Variants in SLCO3A1 observed in about 807,000 individuals in gnomAD.
SLCO3A1 encodes the protein solute carrier organic anion transporter family member 3A1, also known as PGE1 transporter.
Under a neutral mutation model 63.1 loss-of-function variants are expected in SLCO3A1, and 27 were observed. The observed-to-expected ratio is 0.43, with a 90% CI of 0.32 to 0.59. The LOEUF is 0.59. Among genes scored for constraint, SLCO3A1 ranks in the 20% least tolerant of loss-of-function variants. SLCO3A1 has a pLI of 0.09. For synonymous variants in SLCO3A1, 473 were observed against 409.9 expected (o/e 1.15, Z -1.86); for missense variants, 773 against 945.8 (o/e 0.82, Z 2.40).
intron 1 of SLCO3A1, among the ~76,000 whole-genome samples, chr15:91,857,069 T>TGAGA (rs71156615): frequency 9.3e-6 from 1 of 107,486 alleles, no homozygotes; most frequent in African/African-American, 2.9e-5. Flanking sequence ...TGTGTGTGTG[T>TGAGA]GAGAGAGAGA....
At chr15:92,155,290 G>T (rs756603250) in intron 9 of SLCO3A1, 1 of 152,232 alleles carries the variant, frequency 6.6e-6, no homozygotes, top group Non-Finnish European at 1.5e-5. Context: ...TTGCCAGGGC[G>T]TTACACCAAA....
intron 5 of SLCO3A1, among the ~76,000 whole-genome samples, chr15:92,125,508 G>C (rs908922226): frequency 2.0e-5 from 3 of 152,170 alleles, no homozygotes; most frequent in Non-Finnish European, 4.4e-5. Flanking sequence ...CACTTCCTGA[G>C]GGGTGGCGGA....
At chr15:92,144,262 AG>A (rs1596142196) in intron 7 of SLCO3A1, among the ~76,000 whole-genome samples, 1 of 152,108 alleles carries the variant, frequency 6.6e-6, no homozygotes, top group East Asian at 1.9e-4. Context: ...ATGTATACAC[AG>A]GAGATAGCCA....
intron 2 of SLCO3A1, among the ~76,000 whole-genome samples, chr15:91,959,117 C>T (rs1567038821): frequency 6.6e-6 from 1 of 152,134 alleles, no homozygotes; most frequent in Non-Finnish European, 1.5e-5. Context: ...ATGTATTTTG[C>T]AGCAACTTGG....
chr15:92,102,451 T>A (rs2047617537), intron 3 of SLCO3A1, among the ~76,000 whole-genome samples: 1 of 152,210 alleles, frequency 6.6e-6, no homozygotes, highest in Non-Finnish European at 1.5e-5. Context: ...TTCTTGCTCA[T>A]TGCCTGTCAT....
rs879260938 is a variant in SLCO3A1 at position 91,854,345 on chromosome 15, G to A, written c.180+257G>A. 2.5e-5 allele frequency: 28 copies of A among 1,112,580 alleles called. No individual in the cohort carries two copies. The highest frequency in any genetic ancestry group is 1.2e-4 in the African/African-American group (7 of 60,626). The allele number at this position is 1,112,580 out of a possible 1,614,324, so 68.9% of individuals were successfully genotyped here. A position where few individuals can be genotyped will look rare whatever the true frequency, so the allele number is the denominator to read the frequency against. On this transcript the variant is annotated intron_variant, in intron 1 of 9. Transcript: ENST00000318445. The surrounding 1 kb of genome is among the most constrained non-coding windows in gnomAD (Gnocchi z 6.4). ...CCGGCTGGGGCAGGGGGTGCCGGGG[G>A]AGGAGAGGCGGCGGGCAGGTGGGCG...
chr15:92,025,721 T>C (rs892701963), intron 2 of SLCO3A1, among the ~76,000 whole-genome samples: 5 of 152,206 alleles, frequency 3.3e-5, no homozygotes, highest in African/African-American at 1.2e-4. Context: ...TAAACTGGGA[T>C]GATCTGGGAC....
In SLCO3A1 at chr15:92,138,238, T is replaced by A. The variant is rs1334725178; in HGVS notation, c.1513-8746T>A. On this transcript the variant is annotated intron_variant, in intron 7 of 9. Coordinates refer to ENST00000318445, the MANE Select transcript of SLCO3A1 (RefSeq NM_013272.4). ...ACCATTTATTAAATAGGGAATCCTT[T>A]CCCCATTGCTTGTTTTTCTCAGGTT... Among the ~76,000 whole-genome samples the A allele has an allele frequency of 2.0e-5, 2 of 100,072 alleles. 1 individual carries two copies. The highest frequency in any genetic ancestry group is 3.7e-5 in the Non-Finnish European group (2 of 53,424). 65.7% of individuals were successfully genotyped at this position (100,072 alleles called of 152,430 possible).
intron 2 of SLCO3A1, among the ~76,000 whole-genome samples, chr15:92,013,968 T>C (rs2046397301): frequency 6.6e-6 from 1 of 152,132 alleles, no homozygotes; most frequent in Admixed American, 6.5e-5. Context: ...ACAGTAGGTT[T>C]TCACCAAAAA....
At chr15:92,052,689 G>A (rs1441777294) in intron 2 of SLCO3A1, among the ~76,000 whole-genome samples, 1 of 152,154 alleles carries the variant, frequency 6.6e-6, no homozygotes, top group African/African-American at 2.4e-5. Flanking sequence ...GAGCTGTGCT[G>A]TCCCAGATAG....
intron 3 of SLCO3A1, among the ~76,000 whole-genome samples, chr15:92,095,209 C>G (rs2047523895): frequency 6.6e-6 from 1 of 152,316 alleles, no homozygotes; most frequent in Middle Eastern, 3.4e-3. Context: ...GAATAACCCC[C>G]AATAGCTGAT....
chr15:92,112,744 C>G (rs1243356459), intron 4 of SLCO3A1, among the ~76,000 whole-genome samples: 1 of 152,154 alleles, frequency 6.6e-6, no homozygotes, highest in Non-Finnish European at 1.5e-5. Flanking sequence ...TGTGGAGATT[C>G]ATAAGTGATA....
intron 2 of SLCO3A1, among the ~76,000 whole-genome samples, chr15:91,945,874 G>C (rs1250547820): frequency 2.0e-5 from 3 of 152,214 alleles, no homozygotes; most frequent in Non-Finnish European, 2.9e-5. Flanking sequence ...AGAATTGAGA[G>C]GAGTTCCTGA....
rs937702721 is a variant in SLCO3A1, at chr15:91,948,128, G to A, written c.646+31670G>A. Among the ~76,000 whole-genome samples the A allele has an allele frequency of 6.6e-6, 1 of 152,212 alleles. No homozygotes were observed. Among genetic ancestry groups the A allele is most frequent in the Non-Finnish European group, 1.5e-5 (1 of 68,038 alleles). ...CTCAGCTTTCCACACCCTAATAAAA[G>A]TCTGAGCCAGAAAGTGGGTGGAAGC... On this transcript the variant is annotated intron_variant, in intron 2 of 9. Coordinates refer to ENST00000318445, the MANE Select transcript of SLCO3A1 (RefSeq NM_013272.4). This position sits in a 1 kb window ranked among gnomAD's most constrained non-coding sequence, Gnocchi z 4.8.
chr15:91,903,870 G>C (rs1417335164), intron 1 of SLCO3A1, among the ~76,000 whole-genome samples: 3 of 152,234 alleles, frequency 2.0e-5, no homozygotes, highest in African/African-American at 4.8e-5. Context: ...GCAGTGACAA[G>C]AAAGGTGATT....
At chr15:91,923,936 A>G (rs2151384887) in intron 2 of SLCO3A1, among the ~76,000 whole-genome samples, 1 of 152,362 alleles carries the variant, frequency 6.6e-6, no homozygotes, top group African/African-American at 2.4e-5. Context: ...TAGGTGATGA[A>G]TGTCTCTGTG....
intron 5 of SLCO3A1, among the ~76,000 whole-genome samples, chr15:92,122,728 C>T (rs2047877827): frequency 6.6e-6 from 1 of 152,180 alleles, no homozygotes; most frequent in Non-Finnish European, 1.5e-5. Flanking sequence ...CTGTTTTATG[C>T]ATAATGGACC....
intron 2 of SLCO3A1, among the ~76,000 whole-genome samples, chr15:91,934,732 C>T (rs1040747813): frequency 2.6e-5 from 4 of 152,210 alleles, no homozygotes; most frequent in Non-Finnish European, 5.9e-5. Flanking sequence ...TGATGAATTT[C>T]ATTACCACAT....
intron 1 of SLCO3A1, among the ~76,000 whole-genome samples, chr15:91,893,794 G>T (rs924213583): frequency 6.6e-6 from 1 of 152,050 alleles, no homozygotes; most frequent in African/African-American, 2.4e-5. Context: ...CCATCTATTC[G>T]ACAAATGTTT....
Sources: allele counts gnomAD v4.1 joint callset (sites outside exome capture counted in the v4.1 genomes callset), GRCh38; gene constraint gnomAD v4.1.1; non-coding constraint Gnocchi (gnomAD v3.1); transcripts MANE v1.5; gene names NCBI Gene and HGNC (gene_info 2026-07-23, HGNC 2026-07-21).